The following GLIS3 variants were observed in gnomAD, a reference collection of about 807,000 sequenced individuals.
The protein encoded by GLIS3 is GLIS family zinc finger 3, also known as zinc finger protein GLIS3.
In GLIS3, 53 loss-of-function variants were observed where a neutral mutation model predicts 78.6. That is an observed-to-expected ratio of 0.67 (90% CI 0.54 to 0.85). The LOEUF is 0.85. GLIS3 is among the 40% of genes least tolerant of loss of function. GLIS3 has a pLI of 0.00. For missense variants in GLIS3, 1,703 were observed against 1,231.1 expected (o/e 1.38, Z -5.74); for synonymous variants, 684 against 509.9 (o/e 1.34, Z -4.60).
intron 2 of GLIS3, among the ~76,000 whole-genome samples, chr9:4,233,982 C>G (rs1822495615): frequency 1.3e-5 from 2 of 152,186 alleles, no homozygotes; most frequent in South Asian, 4.1e-4. Flanking sequence ...TAGCTTCCAA[C>G]TTTTCTTGTG....
intron 7 of GLIS3, among the ~76,000 whole-genome samples, chr9:3,885,274 A>G (rs943676134): frequency 6.6e-6 from 1 of 152,218 alleles, no homozygotes; most frequent in African/African-American, 2.4e-5. Context: ...CTTTACCACA[A>G]GCAAGAATGA....
At chr9:3,866,730 A>AGGTG (rs1820614802) in intron 8 of GLIS3, among the ~76,000 whole-genome samples, 1 of 152,240 alleles carries the variant, frequency 6.6e-6, no homozygotes, top group Admixed American at 6.5e-5. Context: ...AGGCCGTACC[A>AGGTG]TACAGGGTCA....
chr9:4,466,638 C>T, the GLIS3 span, among the ~76,000 whole-genome samples: 1 of 152,110 alleles, frequency 6.6e-6, no homozygotes, highest in Admixed American at 6.5e-5. Context: ...TCAGGCAAAA[C>T]CCAATTAATA....
At chr9:4,028,545 A>G (rs1823540708) in intron 4 of GLIS3, among the ~76,000 whole-genome samples, 1 of 152,204 alleles carries the variant, frequency 6.6e-6, no homozygotes, top group Non-Finnish European at 1.5e-5. Context: ...TCATAAAGGT[A>G]AAGCTCACTG....
chr9:4,074,257 T>C (rs2130654602), intron 4 of GLIS3, among the ~76,000 whole-genome samples: 1 of 152,328 alleles, frequency 6.6e-6, no homozygotes, highest in Admixed American at 6.5e-5. Flanking sequence ...GGGTTCAGGC[T>C]GAAACAGCAC....
At chr9:4,219,245 C>G (rs1821114383) in intron 2 of GLIS3, among the ~76,000 whole-genome samples, 1 of 152,240 alleles carries the variant, frequency 6.6e-6, no homozygotes, top group Admixed American at 6.5e-5. Context: ...ACCTGACCAA[C>G]ATCAAGTACA....
upstream of GLIS3, among the ~76,000 whole-genome samples, chr9:4,352,573 T>C (rs1337704111): frequency 2.6e-5 from 4 of 152,228 alleles, no homozygotes; most frequent in Non-Finnish European, 4.4e-5. Flanking sequence ...AAGTGAACTC[T>C]GTCTTGGGTT....
At chr9:4,074,017 T>C (rs1254382405) in intron 4 of GLIS3, among the ~76,000 whole-genome samples, 2 of 152,182 alleles carry the variant, frequency 1.3e-5, no homozygotes, top group Non-Finnish European at 2.9e-5. Flanking sequence ...GTTTTATTCA[T>C]TTAAATTTGT....
chr9:4,318,745 A>G lies in GLIS3; in HGVS notation n.265-8217T>C, dbSNP rs79902178. 7.4e-4 allele frequency among the ~76,000 whole-genome samples: 113 copies of G among 152,344 alleles called. No individual in the cohort carries two copies. The East Asian group carries it at 0.014, about 19-fold the overall frequency. ...ATCACAAACTTGCAGCCTCTGCAGT[A>G]ATAACAGATGAAGATGACAGTCTTC... is the stretch of plus-strand genomic sequence containing the variant. On this transcript the variant is annotated intron_variant and non_coding_transcript_variant, in intron 2 of 4. Coordinates refer to the GLIS3 transcript ENST00000471664.
chr9:4,227,139 C>T (rs1821840916), intron 2 of GLIS3, among the ~76,000 whole-genome samples: 1 of 152,004 alleles, frequency 6.6e-6, no homozygotes, highest in Admixed American at 6.6e-5. Context: ...GGCACTGGAG[C>T]CTCAGGTCTT....
intron 8 of GLIS3, among the ~76,000 whole-genome samples, chr9:3,874,361 G>C (rs1406743159): frequency 2.0e-5 from 3 of 152,220 alleles, no homozygotes; most frequent in African/African-American, 7.2e-5. Flanking sequence ...GAGAGGGCAT[G>C]GAGGTTCTGT....
intron 4 of GLIS3, among the ~76,000 whole-genome samples, chr9:4,050,275 G>T (rs1401146139): frequency 6.6e-6 from 1 of 152,170 alleles, no homozygotes; most frequent in Non-Finnish European, 1.5e-5. Context: ...CCACAGAAAA[G>T]GGTGAGTTCA....
intron 2 of GLIS3, among the ~76,000 whole-genome samples, chr9:4,264,892 C>T (rs1044037557): frequency 2.8e-4 from 43 of 152,054 alleles, no homozygotes; most frequent in Non-Finnish European, 8.8e-5. Flanking sequence ...TTCGGCCAGG[C>T]ACAGTGGCTC....
chr9:4,028,367 T>C (rs1417506416), intron 4 of GLIS3, among the ~76,000 whole-genome samples: 1 of 152,188 alleles, frequency 6.6e-6, no homozygotes, highest in East Asian at 1.9e-4. Flanking sequence ...ATTATCTTGT[T>C]TCCTTCTCTC....
At chr9:4,367,280 C>T in the GLIS3 span, among the ~76,000 whole-genome samples, 1 of 152,190 alleles carries the variant, frequency 6.6e-6, no homozygotes, top group Non-Finnish European at 1.5e-5. Context: ...CTCCCTTCAG[C>T]ATTTTCACAC....
rs1817743340 is a variant in GLIS3 at position 3,826,669 on chromosome 9, G to A, written c.*1603C>T. 6.6e-6 allele frequency: 1 copy of A among 152,174 alleles called. No homozygotes were observed. Among genetic ancestry groups the A allele is most frequent in the African/African-American group, 2.4e-5 (1 of 41,444 alleles). The allele number at this position is 152,174 out of a possible 1,614,324, so 9.4% of individuals were successfully genotyped here. A position where few individuals can be genotyped will look rare whatever the true frequency, so the allele number is the denominator to read the frequency against. On this transcript the variant is annotated 3_prime_UTR_variant, in exon 11 of 11. Coordinates refer to ENST00000381971, the MANE Select transcript of GLIS3 (RefSeq NM_001042413.2). ...TCAGGTAGAATACTTCCGCTTGTGG[G>A]ACTGTGGAGGGAGACTGGAAGGACC...
chr9:4,088,806 T>A (rs561878805), intron 4 of GLIS3, among the ~76,000 whole-genome samples: 9 of 152,380 alleles, frequency 5.9e-5, no homozygotes, highest in African/African-American at 1.9e-4. Context: ...AAGTCCCACA[T>A]TTTAAAGCCA....
chr9:4,337,770 G>A (rs923504492), intron 2 of GLIS3, among the ~76,000 whole-genome samples: 1 of 152,112 alleles, frequency 6.6e-6, no homozygotes, highest in Non-Finnish European at 1.5e-5. Flanking sequence ...AGAGGTGGTA[G>A]CAACCAGTTT....
intron 2 of GLIS3, among the ~76,000 whole-genome samples, chr9:4,345,446 T>C (rs142762024): frequency 6.6e-6 from 1 of 152,344 alleles, no homozygotes; most frequent in Non-Finnish European, 1.5e-5. Flanking sequence ...GGCTCTCCCA[T>C]TAGAATGCAA....
Sources: gnomAD v4.1 joint callset for allele counts (sites outside exome capture counted in the v4.1 genomes callset) on GRCh38, gnomAD v4.1.1 for gene constraint, MANE v1.5 for transcripts, NCBI Gene and HGNC (gene_info 2026-07-23, HGNC 2026-07-21) for gene names.